Variants in PIK3CD observed in about 807,000 individuals in gnomAD.
The protein encoded by PIK3CD is phosphatidylinositol-4,5-bisphosphate 3-kinase catalytic subunit delta.
Under a neutral mutation model 122.9 loss-of-function variants are expected in PIK3CD, and 20 were observed. That is an observed-to-expected ratio of 0.16 (90% CI 0.11 to 0.24). The LOEUF (loss-of-function observed/expected upper bound fraction) is 0.24. PIK3CD is among the 10% of genes least tolerant of loss of function. PIK3CD has a pLI of 1.00. For missense variants in PIK3CD, 787 were observed against 1,406.3 expected (o/e 0.56, Z 7.04); for synonymous variants, 596 against 593.4 (o/e 1.00, Z -0.06).
In PIK3CD at chr1:9,700,801, C is replaced by T. The variant is rs1341804713; in HGVS notation, c.-33+9230C>T. On this transcript the variant is annotated intron_variant, in intron 2 of 23. Coordinates refer to ENST00000377346, the MANE Select transcript of PIK3CD (RefSeq NM_005026.5). The surrounding 1 kb of genome is among the most constrained non-coding windows in gnomAD (Gnocchi z 5.1). The stretch of plus-strand genomic sequence containing the variant: ...TGTCTTATCCCACCAGAAATCTCTT[C>T]CTTTCCTGTCTCAGTAAATTCCCAC... Among the ~76,000 whole-genome samples, 1 of 152,172 alleles carries T rather than the reference C, an allele frequency of 6.6e-6. No homozygotes were observed. The highest frequency in any genetic ancestry group is 2.4e-5 in the African/African-American group (1 of 41,436).
the PIK3CD span, among the ~76,000 whole-genome samples, chr1:9,646,109 C>T: frequency 6.6e-6 from 1 of 151,680 alleles, no homozygotes; most frequent in South Asian, 2.1e-4. Context: ...CTAACGAGAC[C>T]CATGGCATGG....
the PIK3CD span, among the ~76,000 whole-genome samples, chr1:9,632,720 C>T: frequency 6.6e-6 from 1 of 152,132 alleles, no homozygotes; most frequent in South Asian, 2.1e-4. Flanking sequence ...CCTTTGTTGA[C>T]AAATGTGACT....
At position 9,717,463 on chromosome 1, in the gene PIK3CD, C is replaced by T. The variant is rs191820750; in HGVS notation, c.931-74C>T. 7.9e-4 allele frequency: 1,139 copies of T among 1,447,964 alleles called. 4 individuals carry two copies. The African/African-American group carries it at 9.4e-3, about 12-fold the overall frequency. The allele number at this position is 1,447,964 out of a possible 1,614,324, so 89.7% of individuals were successfully genotyped here. On this transcript the variant is annotated intron_variant, in intron 7 of 23. Coordinates refer to ENST00000377346, the MANE Select transcript of PIK3CD (RefSeq NM_005026.5). This position sits in a 1 kb window ranked among gnomAD's most constrained non-coding sequence, Gnocchi z 5.4. ...CCTCTCACCCGCCCCCAAGTGGTCA[C>T]GGGCCTCACCATAGGCCAGGGAGAC...
Position 9,717,660 on chromosome 1 carries a change from T to C in PIK3CD, c.1020+34T>C. The C allele has an allele frequency of 6.3e-7, 1 of 1,591,910 alleles. No individual in the cohort carries two copies. The highest frequency in any genetic ancestry group is 8.6e-7 in the Non-Finnish European group (1 of 1,160,630). On this transcript the variant is annotated intron_variant, in intron 8 of 23. Coordinates refer to ENST00000377346, the MANE Select transcript of PIK3CD (RefSeq NM_005026.5). This position sits in a 1 kb window ranked among gnomAD's most constrained non-coding sequence, Gnocchi z 5.4. Reference sequence around the variant, plus strand: ...CCTGGGATAGGTGGGAGAGACACTGTTTTTTTGCACAAACAAGGTGGCTGT... The same window carrying C: ...CCTGGGATAGGTGGGAGAGACACTGCTTTTTTGCACAAACAAGGTGGCTGT...
chr1:9,702,065 G>A (rs1459081264), intron 2 of PIK3CD, among the ~76,000 whole-genome samples: 2 of 151,612 alleles, frequency 1.3e-5, no homozygotes, highest in Admixed American at 6.6e-5. Flanking sequence ...TGCGATCTCG[G>A]CTCACTGCAA....
At chr1:9,633,151 G>C in the PIK3CD span, among the ~76,000 whole-genome samples, 1 of 151,984 alleles carries the variant, frequency 6.6e-6, no homozygotes, top group African/African-American at 2.4e-5. Context: ...GTGAGCCACC[G>C]TGCCTGATCA....
At chr1:9,630,628 G>A in the PIK3CD span, among the ~76,000 whole-genome samples, 1 of 152,216 alleles carries the variant, frequency 6.6e-6, no homozygotes, top group Non-Finnish European at 1.5e-5. Context: ...ATGATGAAGG[G>A]CCCCTTCGGG....
At chr1:9,629,976 G>T in the PIK3CD span, among the ~76,000 whole-genome samples, 1 of 152,276 alleles carries the variant, frequency 6.6e-6, no homozygotes. Context: ...GGGGGTCAGA[G>T]GCGCCCAGGA....
chr1:9,716,814 T>G, intron 6 of PIK3CD, 145 bp from the exon 7 acceptor site: 1 of 1,251,356 alleles, frequency 8.0e-7, no homozygotes, highest in South Asian at 1.2e-5. Flanking sequence ...GAGGTGGAGG[T>G]GGGGCAGGAA....
intron 2 of PIK3CD, among the ~76,000 whole-genome samples, chr1:9,707,350 C>G (rs551822185): frequency 8.7e-4 from 125 of 143,328 alleles, no homozygotes; most frequent in Non-Finnish European, 1.5e-3. Context: ...TTGAGTGTTA[C>G]ATTTTTCTTT....
At chr1:9,665,308 C>G (rs535965124) in intron 1 of PIK3CD, among the ~76,000 whole-genome samples, 4 of 151,800 alleles carry the variant, frequency 2.6e-5, no homozygotes, top group Non-Finnish European at 4.4e-5. Flanking sequence ...TAGTAAATGC[C>G]TCTCAAGAGG....
intron 2 of PIK3CD, among the ~76,000 whole-genome samples, chr1:9,706,497 G>GA (rs1213879990): frequency 2.6e-5 from 4 of 151,810 alleles, no homozygotes; most frequent in Non-Finnish European, 5.9e-5. Context: ...TATCTCAACA[G>GA]AAAAAAACAA....
Position 9,721,750 on chromosome 1 carries a change from T to C in PIK3CD, c.1956-11T>C. 1.9e-6 allele frequency: 3 copies of C among 1,612,768 alleles called. No individual in the cohort carries two copies. Among genetic ancestry groups the C allele is most frequent in the Non-Finnish European group, 2.5e-6 (3 of 1,179,824 alleles). On this transcript the variant is annotated splice_polypyrimidine_tract_variant and intron_variant, in intron 15 of 23. Transcript: ENST00000377346. ...TGCCTGGTGAGGCTCAGCCCTCCCT[T>C]CACCTTCCAGCTCCGAGATGCACGT...
chr1:9,635,275 G>GA, the PIK3CD span, among the ~76,000 whole-genome samples: 35,558 of 128,344 alleles, frequency 0.28, 7,066 homozygotes, highest in East Asian at 0.55. Flanking sequence ...ACTCCATCCT[G>GA]AAAAAAAAAA....
chr1:9,632,022 G>GT, the PIK3CD span, among the ~76,000 whole-genome samples: 1 of 54,814 alleles, frequency 1.8e-5, no homozygotes, highest in Admixed American at 2.4e-4. Context: ...TTTTATTTTT[G>GT]TTTTTTTGAG....
upstream of PIK3CD, among the ~76,000 whole-genome samples, chr1:9,646,778 C>A (rs1644613292): frequency 6.6e-6 from 1 of 151,686 alleles, no homozygotes; most frequent in African/African-American, 2.4e-5. Context: ...CATGGTGAAA[C>A]CCTATCTCTA....
chr1:9,671,196 C>A (rs1191498935), intron 1 of PIK3CD, among the ~76,000 whole-genome samples: 7 of 152,070 alleles, frequency 4.6e-5, no homozygotes. Context: ...ATCTCCTGGG[C>A]TCAAGCGATC....
chr1:9,725,577 T>TA (rs1042813472), intron 23 of PIK3CD, among the ~76,000 whole-genome samples: 2 of 142,766 alleles, frequency 1.4e-5, no homozygotes, highest in Non-Finnish European at 3.1e-5. Context: ...AAATAAATAA[T>TA]AAAAAAAGAT....
chr1:9,709,800 A>G (rs1426564494), intron 2 of PIK3CD, among the ~76,000 whole-genome samples: 2 of 152,104 alleles, frequency 1.3e-5, no homozygotes, highest in African/African-American at 4.8e-5. Flanking sequence ...TGAAGTTAGG[A>G]GTTCAAGACC....
Sources: gnomAD v4.1 joint callset for allele counts (sites outside exome capture counted in the v4.1 genomes callset) on GRCh38, gnomAD v4.1.1 for gene constraint, Gnocchi (gnomAD v3.1) non-coding constraint, MANE v1.5 for transcripts, NCBI Gene and HGNC (gene_info 2026-07-23, HGNC 2026-07-21) for gene names.